Variants in LRP1B observed in about 807,000 individuals in gnomAD.
The protein encoded by LRP1B is LDL receptor related protein 1B, also known as low-density lipoprotein receptor-related protein 1B.
A neutral mutation model predicts 556.6 loss-of-function variants in LRP1B; 217 were observed. The ratio of observed to expected loss-of-function variants is 0.39; its 90% confidence interval spans 0.35 to 0.44. LRP1B has a LOEUF of 0.44. Ranked by LOEUF, LRP1B falls within the 20% of genes least tolerant of loss-of-function variation. The pLI, the probability that LRP1B is intolerant of heterozygous loss-of-function variation, is 1.00. For synonymous variants in LRP1B, 2,047 were observed against 1,865.8 expected (o/e 1.10, Z -2.50); for missense variants, 5,053 against 5,620.8 (o/e 0.90, Z 3.23).
intron 2 of LRP1B, among the ~76,000 whole-genome samples, chr2:141,618,035 C>T (rs1036158484): frequency 1.3e-5 from 2 of 152,156 alleles, no homozygotes; most frequent in African/African-American, 4.8e-5. Flanking sequence ...CCAGTGCTTG[C>T]AAAAGGTCCA....
chr2:140,936,549 C>T (rs1695217053), intron 20 of LRP1B, among the ~76,000 whole-genome samples: 1 of 151,756 alleles, frequency 6.6e-6, no homozygotes. Flanking sequence ...CAAGGGAGTT[C>T]TCTGGTGAAA....
intron 3 of LRP1B, among the ~76,000 whole-genome samples, chr2:141,324,055 CA>C (rs1687349686): frequency 3.5e-5 from 5 of 142,162 alleles, no homozygotes; most frequent in South Asian, 2.2e-4. Context: ...CACACACACA[CA>C]CACCTGAACA....
chr2:140,366,271 A>G (rs1406117755), intron 71 of LRP1B, among the ~76,000 whole-genome samples: 3 of 151,788 alleles, frequency 2.0e-5, no homozygotes, highest in African/African-American at 7.2e-5. Context: ...ATGGCTAAAT[A>G]GATGAGAGTG....
chr2:141,564,552 T>A (rs1686265679), intron 2 of LRP1B, among the ~76,000 whole-genome samples: 1 of 152,148 alleles, frequency 6.6e-6, no homozygotes, highest in Admixed American at 6.6e-5. Flanking sequence ...TCTGATAGAC[T>A]TTTGAGGCTA....
chr2:140,569,611 C>G (rs1009149067), intron 43 of LRP1B, among the ~76,000 whole-genome samples: 2 of 151,826 alleles, frequency 1.3e-5, no homozygotes, highest in African/African-American at 4.8e-5. Context: ...CTTCAACACT[C>G]CACTTTCAGT....
At chr2:141,919,173 C>T (rs1408140375) in intron 1 of LRP1B, among the ~76,000 whole-genome samples, 1 of 151,978 alleles carries the variant, frequency 6.6e-6, no homozygotes, top group Non-Finnish European at 1.5e-5. Context: ...TATGTGCATA[C>T]ATATGTATGA....
intron 51 of LRP1B, among the ~76,000 whole-genome samples, chr2:140,512,550 G>A (rs1275405209): frequency 6.6e-6 from 1 of 152,072 alleles, no homozygotes; most frequent in African/African-American, 2.4e-5. Context: ...CCTGAATTCT[G>A]CTCATACCTC....
chr2:140,753,166 A>T (rs1293624619), intron 35 of LRP1B, among the ~76,000 whole-genome samples: 1 of 152,108 alleles, frequency 6.6e-6, no homozygotes, highest in Non-Finnish European at 1.5e-5. Flanking sequence ...TCATAGACAA[A>T]TTTTTCCAGT....
At chr2:141,988,957 G>A (rs563284745) in intron 1 of LRP1B, among the ~76,000 whole-genome samples, 7 of 151,984 alleles carry the variant, frequency 4.6e-5, no homozygotes, top group Admixed American at 6.6e-5. Flanking sequence ...TTAAAGAGAT[G>A]TGTATAAAAT....
At chr2:141,715,532 C>T (rs901080076) in intron 2 of LRP1B, among the ~76,000 whole-genome samples, 1 of 151,924 alleles carries the variant, frequency 6.6e-6, no homozygotes, top group South Asian at 2.1e-4. Flanking sequence ...AGAAAACAGC[C>T]GGCCAGTTGT....
Position 140,291,298 on chromosome 2 carries a change from T to TTATATATATATATATATATATATATA in LRP1B, c.12967+6509_12967+6510insTATATATATATATATATATATATATA, listed in dbSNP as rs66596182. 5.3e-3 allele frequency among the ~76,000 whole-genome samples: 381 copies of TTATATATATATATATATATATATATA among 71,566 alleles called. 27 individuals carry two copies. The highest frequency in any genetic ancestry group is 0.011 in the Admixed American group (67 of 5,968). The allele number at this position is 71,566 out of a possible 152,430, so 47.0% of individuals were successfully genotyped here. On this transcript the variant is annotated intron_variant, in intron 84 of 90. Transcript: ENST00000389484. ...AGATACCACTTCAAGAAATTTTATTTTATATATATATATATATATATTTTT... is the reference window on the plus strand; with the variant it reads ...AGATACCACTTCAAGAAATTTTATTTTATATATATATATATATATATATATATATATATATATATATATATATTTTT...
intron 3 of LRP1B, among the ~76,000 whole-genome samples, chr2:141,262,626 T>C (rs529987383): frequency 5.3e-5 from 8 of 152,188 alleles, no homozygotes; most frequent in Admixed American, 2.0e-4. Context: ...CATCATTTTG[T>C]ACACAAATGT....
At chr2:141,934,967 G>A (rs961306381) in intron 1 of LRP1B, among the ~76,000 whole-genome samples, 3 of 152,070 alleles carry the variant, frequency 2.0e-5, no homozygotes, top group African/African-American at 7.2e-5. Flanking sequence ...AGCACTTTGA[G>A]GAGTGAAAGG....
At chr2:142,015,731 C>T (rs1285361306) in intron 1 of LRP1B, among the ~76,000 whole-genome samples, 1 of 151,920 alleles carries the variant, frequency 6.6e-6, no homozygotes, top group Non-Finnish European at 1.5e-5. Context: ...CAGTGGCTCA[C>T]GTCTGTAATC....
At chr2:141,665,991 G>A (rs945028574) in intron 2 of LRP1B, among the ~76,000 whole-genome samples, 13 of 152,132 alleles carry the variant, frequency 8.5e-5, no homozygotes, top group African/African-American at 2.9e-4. Context: ...GGGAGAAAGA[G>A]CATTAGCATA....
chr2:140,309,112 ATGT>A (rs1684187430), intron 83 of LRP1B, among the ~76,000 whole-genome samples: 1 of 151,800 alleles, frequency 6.6e-6, no homozygotes, highest in Non-Finnish European at 1.5e-5. Context: ...ACTTAATGTA[ATGT>A]TTTCCTGGAT....
At chr2:140,387,781 A>G (rs1190905974) in intron 66 of LRP1B, among the ~76,000 whole-genome samples, 1 of 152,178 alleles carries the variant, frequency 6.6e-6, no homozygotes, top group Non-Finnish European at 1.5e-5. Flanking sequence ...CAATCAGGAA[A>G]TATGTTAGAT....
chr2:141,790,589 G>A (rs974987301), intron 2 of LRP1B, among the ~76,000 whole-genome samples: 4 of 151,792 alleles, frequency 2.6e-5, no homozygotes, highest in Admixed American at 1.3e-4. Flanking sequence ...AATGTTTCTT[G>A]GCTTAAATAA....
At chr2:142,025,577 C>T (rs1304201207) in intron 1 of LRP1B, among the ~76,000 whole-genome samples, 1 of 152,072 alleles carries the variant, frequency 6.6e-6, no homozygotes, top group Non-Finnish European at 1.5e-5. Context: ...CAGCAAATAA[C>T]AGAACAATTA....
Sources: allele counts gnomAD v4.1 joint callset (sites outside exome capture counted in the v4.1 genomes callset), GRCh38; gene constraint gnomAD v4.1.1; transcripts MANE v1.5; gene names NCBI Gene and HGNC (gene_info 2026-07-23, HGNC 2026-07-21).